Variants in SLC30A5 observed in about 807,000 individuals in gnomAD.
SLC30A5 encodes proton-coupled zinc antiporter SLC30A5.
SLC30A5 carries 33 observed loss-of-function variants against 79.6 expected under a neutral mutation model. The ratio of observed to expected loss-of-function variants is 0.41; its 90% CI spans 0.31 to 0.55. The LOEUF (loss-of-function observed/expected upper bound fraction) is 0.55. Among genes scored for constraint, SLC30A5 ranks in the 20% least tolerant of loss-of-function variants. SLC30A5 has a pLI of 0.20. For missense variants in SLC30A5, 788 were observed against 928.1 expected, an observed-to-expected ratio of 0.85 and a Z score of 1.96; for synonymous variants, 299 against 319.7, an observed-to-expected ratio of 0.94 and a Z score of 0.69.
chr5:69,130,232 C>T lies in SLC30A5; in HGVS notation c.*615C>T, dbSNP rs1024346923. The stretch of plus-strand genomic sequence containing the variant: ...TTTTTGATGTATTACAAAAATCAAC[C>T]ACTCTATAAAATAAATTTTTTTTAC... On this transcript the variant is annotated 3_prime_UTR_variant, in exon 16 of 16. Transcript: ENST00000396591. The T allele has an allele frequency of 6.6e-6, 1 of 151,996 alleles. No individual in the cohort carries two copies. The highest frequency in any genetic ancestry group is 2.4e-5 in the African/African-American group (1 of 41,392). The allele number at this position is 151,996 out of a possible 1,614,324, so 9.4% of individuals were successfully genotyped here. A position where few individuals can be genotyped will look rare whatever the true frequency, so the allele number is the denominator to read the frequency against.
At chr5:69,118,325 G>GTGTGTGTATATATATATA (rs60416809) in intron 11 of SLC30A5, 174 bp from the exon 12 acceptor site, 3 of 188,328 alleles carry the variant, frequency 1.6e-5, no homozygotes, top group Non-Finnish European at 3.1e-5. Context: ...ATATATATAT[G>GTGTGTGTATATATATATA]TATATATATA....
Position 69,100,943 on chromosome 5 carries a change from G to GT in SLC30A5, c.206+14_206+15insT. ...ATTAAAACTTGGGTGAGTGTGGGGG[G>GT]GGGTTTTTTCTTGATATTTTTTATT... On this transcript the variant is annotated intron_variant, in intron 2 of 15. Coordinates refer to ENST00000396591, the MANE Select transcript of SLC30A5 (RefSeq NM_022902.5). 6.7e-7 allele frequency: 1 copy of GT among 1,489,296 alleles called. No individual in the cohort carries two copies. The highest frequency in any genetic ancestry group is 1.3e-5 in the South Asian group (1 of 76,834). 92.3% of individuals were successfully genotyped at this position (1,489,296 alleles called of 1,614,324 possible).
At chr5:69,097,958 A>G (rs1745793937) in intron 1 of SLC30A5, among the ~76,000 whole-genome samples, 4 of 152,160 alleles carry the variant, frequency 2.6e-5, no homozygotes, top group Admixed American at 6.5e-5. Context: ...AGGAAAAACA[A>G]TGGCGTCGAT....
At chr5:69,125,702 C>T (rs749867129) in intron 14 of SLC30A5, among the ~76,000 whole-genome samples, 5 of 151,078 alleles carry the variant, frequency 3.3e-5, no homozygotes, top group East Asian at 1.9e-4. Context: ...AGCCAGGCAC[C>T]GTGGTGGGCA....
At chr5:69,123,832 T>G (rs1746599346) in intron 14 of SLC30A5, among the ~76,000 whole-genome samples, 1 of 152,150 alleles carries the variant, frequency 6.6e-6, no homozygotes, top group South Asian at 2.1e-4. Flanking sequence ...ATACATAAAC[T>G]TACAGAATTA....
At chr5:69,118,032 C>A (rs1746421812) in intron 11 of SLC30A5, among the ~76,000 whole-genome samples, 1 of 151,022 alleles carries the variant, frequency 6.6e-6, no homozygotes, top group African/African-American at 2.4e-5. Flanking sequence ...AAAAAATTAG[C>A]CGGGCGTAGT....
chr5:69,117,803 G>A (rs1746412404), intron 11 of SLC30A5, among the ~76,000 whole-genome samples: 1 of 151,510 alleles, frequency 6.6e-6, no homozygotes, highest in Non-Finnish European at 1.5e-5. Context: ...CTTGAACCCA[G>A]AAGGCAGAGG....
intron 14 of SLC30A5, among the ~76,000 whole-genome samples, chr5:69,126,630 T>C (rs420228): frequency 0.43 from 64,788 of 151,446 alleles, 14,014 homozygotes; most frequent in East Asian, 0.53. Flanking sequence ...ATTAGCTGGG[T>C]GTGGTGGCAC....
intron 12 of SLC30A5, 120 bp downstream of exon 12, chr5:69,118,748 C>A: frequency 7.1e-5 from 42 of 592,650 alleles, no homozygotes; most frequent in Middle Eastern, 5.8e-4. Context: ...CTTATATCAA[C>A]ATAACTTCCT....
chr5:69,101,754 G>A (rs1467254235), intron 2 of SLC30A5, among the ~76,000 whole-genome samples: 7 of 150,722 alleles, frequency 4.6e-5, no homozygotes, highest in Admixed American at 4.0e-4. Flanking sequence ...GTCAGGAGTT[G>A]GAGACCAGCC....
chr5:69,124,278 G>T (rs1359715849), intron 14 of SLC30A5, among the ~76,000 whole-genome samples: 3 of 150,494 alleles, frequency 2.0e-5, no homozygotes, highest in African/African-American at 7.3e-5. Context: ...TGTAAAAGAA[G>T]AAATAATAAA....
intron 14 of SLC30A5, among the ~76,000 whole-genome samples, chr5:69,126,308 T>TTTTG (rs1178380973): frequency 1.3e-5 from 2 of 152,122 alleles, no homozygotes; most frequent in African/African-American, 4.8e-5. Flanking sequence ...TTTTTTAAGT[T>TTTTG]TTTGTTTGTT....
In SLC30A5 at chr5:69,118,570, T is replaced by A; in HGVS notation, c.1511T>A (p.Phe504Tyr). 3 of 1,604,784 alleles carry A rather than the reference T, an allele frequency of 1.9e-6. No homozygotes were observed. Among genetic ancestry groups the A allele is most frequent in the Non-Finnish European group, 2.6e-6 (3 of 1,176,000 alleles). Residue 504 changes from phenylalanine to tyrosine, a missense_variant, in exon 12 of 16, where the codon TTT becomes TAT. Coordinates refer to ENST00000396591, the MANE Select transcript of SLC30A5 (RefSeq NM_022902.5). ...LFLIVIAFFV[F>Y]MESVARLIDP... ...CTAATAGTAATAGCGTTTTTTGTGT[T>A]TATGGAGTCAGTGGCTAGATTGATT...
chr5:69,123,227 A>C lies in SLC30A5; in HGVS notation c.1800A>C (p.Thr600=). ...TATTTCTACATGTTTTGGCAGATAC[A>C]CTTGGCAGCATTGGTGTGATCGTAT... The part of the protein sequence containing the change: ...RGVFLHVLAD[T]LGSIGVIVST... The change falls in exon 14 of 16, where the codon ACA becomes ACC. Residue 600 remains threonine, a synonymous_variant. Transcript: ENST00000396591. The C allele has an allele frequency of 1.2e-6, 2 of 1,608,380 alleles. No homozygotes were observed. The highest frequency in any genetic ancestry group is 1.7e-6 in the Non-Finnish European group (2 of 1,176,596).
intron 2 of SLC30A5, among the ~76,000 whole-genome samples, chr5:69,101,195 A>G (rs1052097006): frequency 2.0e-5 from 3 of 151,972 alleles, no homozygotes; most frequent in African/African-American, 4.8e-5. Context: ...ATTTATTATT[A>G]TTATTATTCA....
At chr5:69,101,066 T>C (rs1745903026) in intron 2 of SLC30A5, 137 bp downstream of exon 2, 1 of 805,480 alleles carries the variant, frequency 1.2e-6, no homozygotes, top group African/African-American at 1.7e-5. Flanking sequence ...CTTTTTTAAC[T>C]GGGAGTATAC....
chr5:69,108,815 C>T (rs1746154912), intron 5 of SLC30A5, among the ~76,000 whole-genome samples: 1 of 113,376 alleles, frequency 8.8e-6, no homozygotes, highest in Non-Finnish European at 1.7e-5. Flanking sequence ...GAGTGAGACT[C>T]AGCCTCAAAA....
intron 6 of SLC30A5, among the ~76,000 whole-genome samples, chr5:69,113,478 T>G (rs992490950): frequency 6.6e-6 from 1 of 151,856 alleles, no homozygotes; most frequent in Non-Finnish European, 1.5e-5. Context: ...GAAAGAATAT[T>G]TTGGAATGTC....
chr5:69,099,625 C>A (rs1745851833), intron 1 of SLC30A5, among the ~76,000 whole-genome samples: 1 of 152,116 alleles, frequency 6.6e-6, no homozygotes, highest in Non-Finnish European at 1.5e-5. Flanking sequence ...AATTCCTGAG[C>A]CTTTTTAGGA....
Sources: gnomAD v4.1 joint callset for allele counts (sites outside exome capture counted in the v4.1 genomes callset) on GRCh38, gnomAD v4.1.1 for gene constraint, MANE v1.5 for transcripts, NCBI Gene and HGNC (gene_info 2026-07-23, HGNC 2026-07-21) for gene names.